CHRNG: variants seen among roughly 807,000 people sequenced by gnomAD.
CHRNG encodes acetylcholine receptor subunit gamma.
Under a neutral mutation model 65.2 loss-of-function variants are expected in CHRNG, and 72 were observed. The ratio of observed to expected loss-of-function variants is 1.10; its 90% CI spans 0.91 to 1.34. CHRNG has a LOEUF of 1.34. CHRNG is among the 40% of genes most tolerant of loss of function. The pLI is 0.00. For missense variants in CHRNG, 637 were observed against 680.1 expected (o/e 0.94, Z 0.70); for synonymous variants, 284 against 290.2 (o/e 0.98, Z 0.22).
At chr2:232,545,417 G>C in intron 11 of CHRNG, 126 bp from the exon 12 acceptor site, 1 of 887,636 alleles carries the variant, frequency 1.1e-6, no homozygotes, top group Non-Finnish European at 1.8e-6. Flanking sequence ...GTTGGGACCC[G>C]GACATAGGTA....
Position 232,544,430 on chromosome 2 carries a change from G to A in CHRNG, c.1099G>A (p.Val367Met). 6.2e-7 allele frequency: 1 copy of A among 1,613,656 alleles called. No individual in the cohort carries two copies. Among genetic ancestry groups the A allele is most frequent in the African/African-American group, 1.3e-5 (1 of 75,064 alleles). The part of the protein sequence containing the change: ...MHVRPLAPAA[V>M]QDTQSRLQNG... ...CGTTCGCCCGCTGGCCCCGGCAGCT[G>A]TGCAGGACACCCAGTCCCGGCTACA... Residue 367 changes from valine (V) to methionine (M), a missense_variant, in exon 10 of 12, where the codon GTG (valine) becomes ATG (methionine). Val to Met is a conservative substitution (Grantham distance 21, BLOSUM62 1). Transcript: ENST00000651502.
rs1409451582 is a variant in CHRNG at position 232,547,475 on chromosome 2, C to G, written c.*1759C>G. 6.6e-6 allele frequency among the ~76,000 whole-genome samples: 1 copy of G among 152,170 alleles called. No homozygotes were observed. Among genetic ancestry groups the G allele is most frequent in the African/African-American group, 2.4e-5 (1 of 41,430 alleles). On this transcript the variant is annotated 3_prime_UTR_variant, in exon 12 of 12. Transcript: ENST00000651502. ...GAAAAGTGAAAGTGCCACATAAAGG[C>G]CTGACGACAGGATATGCTGGCAGGA...
In CHRNG at chr2:232,541,050, G is replaced by C. The variant is rs1692004606; in HGVS notation, c.351-324G>C. 6.6e-6 allele frequency among the ~76,000 whole-genome samples: 1 copy of C among 152,106 alleles called. No individual in the cohort carries two copies. Among genetic ancestry groups the C allele is most frequent in the Non-Finnish European group, 1.5e-5 (1 of 68,008 alleles). ...CAGGCATGAAAAGTGCATCACTCGG[G>C]GGCTGGCACATGGTGTGGGCTTAAC... On this transcript the variant is annotated intron_variant, in intron 4 of 11. Coordinates refer to ENST00000651502, the MANE Select transcript of CHRNG (RefSeq NM_005199.5). This position sits in a 1 kb window ranked among gnomAD's most constrained non-coding sequence, Gnocchi z 4.0.
chr2:232,539,976 C>A lies in CHRNG; in HGVS notation c.56-16C>A. 6.2e-7 allele frequency: 1 copy of A among 1,614,116 alleles called. No individual in the cohort carries two copies. Among genetic ancestry groups the A allele is most frequent in the Non-Finnish European group, 8.5e-7 (1 of 1,180,008 alleles). The stretch of plus-strand genomic sequence containing the variant: ...CACCTCCAAGCTCCTGCTAGGCTCA[C>A]GCCTGTCTATTGCAGGGGCCCAGGG... On this transcript the variant is annotated splice_polypyrimidine_tract_variant and intron_variant, in intron 1 of 11. Coordinates refer to ENST00000651502, the MANE Select transcript of CHRNG (RefSeq NM_005199.5).
chr2:232,543,269 G>A lies in CHRNG; in HGVS notation c.806-6G>A, dbSNP rs1692054813. ...CCTGCTCTGAGAGCCTCTCGGTCAT[G>A]GATAGCTGGGGGCCAGAAGTGTACC... On this transcript the variant is annotated splice_region_variant and splice_polypyrimidine_tract_variant and intron_variant, in intron 7 of 11. Transcript: ENST00000651502. 1 of 1,612,610 alleles carries A rather than the reference G, an allele frequency of 6.2e-7. No homozygotes were observed. Among genetic ancestry groups the A allele is most frequent in the East Asian group, 2.2e-5 (1 of 44,858 alleles).
chr2:232,544,602 T>A lies in CHRNG; in HGVS notation c.1249+22T>A, dbSNP rs1423955802. 1.9e-6 allele frequency: 3 copies of A among 1,600,202 alleles called. No individual in the cohort carries two copies. In the African/African-American group the frequency reaches 4.0e-5, roughly 21 times the overall value. On this transcript the variant is annotated intron_variant, in intron 10 of 11. Transcript: ENST00000651502. ...CTAGGTGAGACACACCAGGTGTGCCTGGGGACAGTCCTCCCCTGGGACCCC... is the reference window on the plus strand; with the variant it reads ...CTAGGTGAGACACACCAGGTGTGCCAGGGGACAGTCCTCCCCTGGGACCCC...
At position 232,548,055 on chromosome 2, in the gene CHRNG, C is replaced by A; in HGVS notation, c.*2339C>A. 3.5e-6 allele frequency: 2 copies of A among 578,224 alleles called. No homozygotes were observed. The highest frequency in any genetic ancestry group is 4.6e-5 in the South Asian group (2 of 43,080). 35.8% of individuals were successfully genotyped at this position (578,224 alleles called of 1,614,324 possible). The stretch of plus-strand genomic sequence containing the variant: ...AGTGCAATAGCATTGTCTAATAAAA[C>A]AATATACATACCTAAATTTAAAAAT... On this transcript the variant is annotated 3_prime_UTR_variant, in exon 12 of 12. Transcript: ENST00000651502.
In CHRNG at chr2:232,543,303, C is replaced by A. The variant is rs1407770932; in HGVS notation, c.834C>A (p.Ile278=). Reference sequence around the variant, plus strand: ...GGGGCCAGAAGTGTACCGTCGCCATCAACGTGCTCCTGGCCCAGACTGTCT... The same window carrying A: ...GGGGCCAGAAGTGTACCGTCGCCATAAACGTGCTCCTGGCCCAGACTGTCT... ...KAGGQKCTVA[I]NVLLAQTVFL... is the part of the protein sequence containing the mutation. The change falls in exon 8 of 12, where the codon ATC becomes ATA. Residue 278 remains isoleucine (I), a synonymous_variant. Coordinates refer to ENST00000651502, the MANE Select transcript of CHRNG (RefSeq NM_005199.5). 1 of 1,614,166 alleles carries A rather than the reference C, an allele frequency of 6.2e-7. No homozygotes were observed. Among genetic ancestry groups the A allele is most frequent in the Non-Finnish European group, 8.5e-7 (1 of 1,180,006 alleles).
At position 232,543,153 on chromosome 2, in the gene CHRNG, C is replaced by T. The variant is rs1692052661; in HGVS notation, c.805+71C>T. ...ACCTGGGAGGCCGGGGTGGGCCCTG[C>T]CTGGGGAACAGAGTGGCATTACGAC... On this transcript the variant is annotated intron_variant, in intron 7 of 11. Coordinates refer to ENST00000651502, the MANE Select transcript of CHRNG (RefSeq NM_005199.5). 5 of 1,549,888 alleles carry T rather than the reference C, an allele frequency of 3.2e-6. No individual in the cohort carries two copies. The Admixed American group carries it at 5.0e-5, about 16-fold the overall frequency.
intron 10 of CHRNG, 41 bp downstream of exon 10, chr2:232,544,621 G>C (rs1324528757): frequency 1.9e-6 from 3 of 1,587,398 alleles, no homozygotes; most frequent in African/African-American, 1.3e-5. Flanking sequence ...TCCTCCCCTG[G>C]GACCCCAGCT....
Position 232,543,014 on chromosome 2 carries a change from T to A in CHRNG, c.737T>A (p.Ile246Asn), listed in dbSNP as rs139998228. 160 of 1,614,066 alleles carry A rather than the reference T, an allele frequency of 9.9e-5. No individual in the cohort carries two copies. Among genetic ancestry groups the A allele is most frequent in the Non-Finnish European group, 1.3e-4 (149 of 1,180,026 alleles). The change falls in exon 7 of 12, where the codon ATC becomes AAC. Residue 246 changes from isoleucine to asparagine, a missense_variant. Coordinates refer to ENST00000651502, the MANE Select transcript of CHRNG (RefSeq NM_005199.5). ...CAGCGCAAGCCCCTCTTCTACGTCA[T>A]CAACATCATCGCCCCCTGTGTGCTC... ...LIQRKPLFYV[I>N]NIIAPCVLIS...
chr2:232,544,655 G>A (rs1692090325), intron 10 of CHRNG, 75 bp downstream of exon 10: 1 of 1,564,876 alleles, frequency 6.4e-7, no homozygotes, highest in South Asian at 1.1e-5. Context: ...CAGCAGATGA[G>A]TGCTGGAGAA....
rs989522781 is a variant in CHRNG, at chr2:232,541,688, C to A, written c.506+159C>A. The stretch of plus-strand genomic sequence containing the variant: ...CCTCTGTGCCCATCTCAGGCTAAGA[C>A]ACCTGAAGGTGCCCAAGCTCTCCCT... On this transcript the variant is annotated intron_variant, in intron 5 of 11. Transcript: ENST00000651502. The surrounding 1 kb of genome is among the most constrained non-coding windows in gnomAD (Gnocchi z 4.0). 2.3e-6 allele frequency: 2 copies of A among 863,042 alleles called. No individual in the cohort carries two copies. Among genetic ancestry groups the A allele is most frequent in the Non-Finnish European group, 3.7e-6 (2 of 538,802 alleles). 53.5% of individuals were successfully genotyped at this position (863,042 alleles called of 1,614,324 possible). A position where few individuals can be genotyped will look rare whatever the true frequency, so the allele number is the denominator to read the frequency against.
Position 232,541,764 on chromosome 2 carries a change from T to G in CHRNG, c.506+235T>G, listed in dbSNP as rs1041217762. ...CCTTTACTGCCTCAGTTTCCTCACCTGTGCTCCAAGGGGAGACATTCACGC... is the reference window on the plus strand; with the variant it reads ...CCTTTACTGCCTCAGTTTCCTCACCGGTGCTCCAAGGGGAGACATTCACGC... On this transcript the variant is annotated intron_variant, in intron 5 of 11. Transcript: ENST00000651502. The surrounding 1 kb of genome is among the most constrained non-coding windows in gnomAD (Gnocchi z 4.0). 8.4e-6 allele frequency: 5 copies of G among 594,426 alleles called. No homozygotes were observed. Among genetic ancestry groups the G allele is most frequent in the Non-Finnish European group, 1.5e-5 (5 of 333,742 alleles). The allele number at this position is 594,426 out of a possible 1,614,324, so 36.8% of individuals were successfully genotyped here. A position where few individuals can be genotyped will look rare whatever the true frequency, so the allele number is the denominator to read the frequency against.
chr2:232,546,047 C>A lies in CHRNG; in HGVS notation c.*331C>A, dbSNP rs1692127739. On this transcript the variant is annotated 3_prime_UTR_variant, in exon 12 of 12. Coordinates refer to ENST00000651502, the MANE Select transcript of CHRNG (RefSeq NM_005199.5). Reference sequence around the variant, plus strand: ...TCCCATCAGTCTGAAGCCCGAAGGACTGTTTTGTATAATACCTTCGGACTT... The same window carrying A: ...TCCCATCAGTCTGAAGCCCGAAGGAATGTTTTGTATAATACCTTCGGACTT... The A allele has an allele frequency of 2.3e-6, 1 of 435,044 alleles. No homozygotes were observed. The highest frequency in any genetic ancestry group is 2.0e-5 in the African/African-American group (1 of 49,636). 26.9% of individuals were successfully genotyped at this position (435,044 alleles called of 1,614,324 possible).
At chr2:232,542,583 G>A in intron 6 of CHRNG, 63 bp downstream of exon 6, 2 of 1,147,104 alleles carry the variant, frequency 1.7e-6, no homozygotes, top group Non-Finnish European at 2.6e-6. Flanking sequence ...ACCCAGCTGT[G>A]GTCAAGGCTG....
At position 232,546,661 on chromosome 2, in the gene CHRNG, C is replaced by T. The variant is rs1329815031; in HGVS notation, c.*945C>T. Among the ~76,000 whole-genome samples, 2 of 152,060 alleles carry T rather than the reference C, an allele frequency of 1.3e-5. No individual in the cohort carries two copies. The highest frequency in any genetic ancestry group is 2.9e-5 in the Non-Finnish European group (2 of 68,012). On this transcript the variant is annotated 3_prime_UTR_variant, in exon 12 of 12. Coordinates refer to ENST00000651502, the MANE Select transcript of CHRNG (RefSeq NM_005199.5). ...CTCCTTTTTAATTAAGAGCTCCTCA[C>T]AGCAGTATGGATAAGCAAGAGTCAT...
chr2:232,543,484 C>A (rs1428059892), intron 8 of CHRNG, 95 bp downstream of exon 8: 1 of 1,178,002 alleles, frequency 8.5e-7, no homozygotes, highest in Non-Finnish European at 1.2e-6. Flanking sequence ...CCATCCACCC[C>A]CCCCATCCTC....
intron 7 of CHRNG, 86 bp downstream of exon 7, chr2:232,543,168 G>C (rs1692052906): frequency 6.5e-7 from 1 of 1,529,258 alleles, no homozygotes; most frequent in African/African-American, 1.4e-5. Context: ...GGAACAGAGT[G>C]GCATTACGAC....
Sources: allele counts gnomAD v4.1 joint callset (sites outside exome capture counted in the v4.1 genomes callset), GRCh38; gene constraint gnomAD v4.1.1; non-coding constraint Gnocchi (gnomAD v3.1); transcripts MANE v1.5; gene names NCBI Gene and HGNC (gene_info 2026-07-23, HGNC 2026-07-21).